Variants in COL23A1 observed in about 807,000 individuals in gnomAD.
COL23A1 encodes the protein collagen type XXIII alpha 1 chain.
Under a neutral mutation model 99.3 loss-of-function variants are expected in COL23A1, and 97 were observed. The observed-to-expected ratio is 0.98, with a 90% CI of 0.83 to 1.16. COL23A1 has a LOEUF of 1.16. COL23A1 is among the 50% of genes most tolerant of loss of function. The probability of loss-of-function intolerance (pLI) is 0.00; values close to 1 mark genes in which losing one functional copy is unlikely to be tolerated. For missense variants in COL23A1, 762 were observed against 757.4 expected (o/e 1.01, Z -0.07); for synonymous variants, 320 against 308.2 (o/e 1.04, Z -0.40).
chr5:178,524,453 G>T (rs1018509129), intron 2 of COL23A1, among the ~76,000 whole-genome samples: 2 of 152,230 alleles, frequency 1.3e-5, no homozygotes. Context: ...ACATAGCTTG[G>T]GAATGGGGTA....
intron 2 of COL23A1, among the ~76,000 whole-genome samples, chr5:178,465,956 G>A (rs1756396882): frequency 6.6e-6 from 1 of 152,160 alleles, no homozygotes; most frequent in South Asian, 2.1e-4. Context: ...ACAAAACACA[G>A]TAGAGCCTCG....
intron 5 of COL23A1, among the ~76,000 whole-genome samples, chr5:178,273,177 C>T (rs915252859): frequency 6.6e-6 from 1 of 152,238 alleles, no homozygotes; most frequent in African/African-American, 2.4e-5. Flanking sequence ...AGGGCTCTGC[C>T]TTTCTAGAAG....
intron 2 of COL23A1, among the ~76,000 whole-genome samples, chr5:178,551,756 C>A (rs1407589585): frequency 1.3e-5 from 2 of 152,180 alleles, no homozygotes; most frequent in East Asian, 3.9e-4. Context: ...CTGCCCTGAG[C>A]ACCCCCTCAG....
chr5:178,415,665 T>A lies in COL23A1; in HGVS notation c.362-108746A>T, dbSNP rs1444786825. On this transcript the variant is annotated intron_variant, in intron 2 of 28. Coordinates refer to ENST00000390654, the MANE Select transcript of COL23A1 (RefSeq NM_173465.4). This position sits in a 1 kb window ranked among gnomAD's most constrained non-coding sequence, Gnocchi z 4.6. ...GGCAAGGGGACTGTGCGGGCGGCGG[T>A]GAGGTGGGCAGTCAGCAGACTGTCC... Among the ~76,000 whole-genome samples the A allele has an allele frequency of 6.6e-6, 1 of 151,780 alleles. No individual in the cohort carries two copies. Among genetic ancestry groups the A allele is most frequent in the East Asian group, 1.9e-4 (1 of 5,164 alleles).
At chr5:178,258,262 T>TATATATACATACACAC in intron 12 of COL23A1, among the ~76,000 whole-genome samples, 4 of 104,064 alleles carry the variant, frequency 3.8e-5, no homozygotes, top group Non-Finnish European at 8.9e-5. Flanking sequence ...TATATATATA[T>TATATATACATACACAC]ACACATGCAA....
At position 178,363,360 on chromosome 5, in the gene COL23A1, A is replaced by G. The variant is rs555027498; in HGVS notation, c.362-56441T>C. ...AACACTGACAGGATAGCCTAAGTGTAGAACCTACAGTCCAGAAGAAGAAAT... is the reference window on the plus strand; with the variant it reads ...AACACTGACAGGATAGCCTAAGTGTGGAACCTACAGTCCAGAAGAAGAAAT... On this transcript the variant is annotated intron_variant, in intron 2 of 28. Transcript: ENST00000390654. Among the ~76,000 whole-genome samples, 3 of 152,326 alleles carry G rather than the reference A, an allele frequency of 2.0e-5. No homozygotes were observed. The South Asian group carries it at 6.2e-4, about 32-fold the overall frequency.
intron 4 of COL23A1, among the ~76,000 whole-genome samples, chr5:178,289,927 GT>G (rs1757365886): frequency 6.6e-6 from 1 of 152,164 alleles, no homozygotes; most frequent in African/African-American, 2.4e-5. Flanking sequence ...AAACACATGA[GT>G]TTTTGTTTTT....
At chr5:178,481,131 CA>C (rs10625763) in intron 2 of COL23A1, among the ~76,000 whole-genome samples, 26,941 of 101,822 alleles carry the variant, frequency 0.26, 2,923 homozygotes, top group East Asian at 0.58. Flanking sequence ...GACTGTCTCT[CA>C]AAAAAAAAAA....
intron 2 of COL23A1, among the ~76,000 whole-genome samples, chr5:178,343,189 C>G (rs1057128986): frequency 1.3e-5 from 2 of 152,114 alleles, no homozygotes; most frequent in Admixed American, 1.3e-4. Flanking sequence ...GCACATGGTT[C>G]AAGACATGAG....
intron 2 of COL23A1, among the ~76,000 whole-genome samples, chr5:178,543,713 G>A (rs944742231): frequency 1.5e-4 from 23 of 152,194 alleles, no homozygotes; most frequent in African/African-American, 5.5e-4. Flanking sequence ...CACCAAAACG[G>A]CCTGTCTTAG....
chr5:178,417,925 T>C (rs1225988720), intron 2 of COL23A1, among the ~76,000 whole-genome samples: 1 of 152,220 alleles, frequency 6.6e-6, no homozygotes, highest in Non-Finnish European at 1.5e-5. Flanking sequence ...GAGCCTATTA[T>C]TTATTCGGGT....
chr5:178,269,550 T>TCATC (rs57845966), intron 6 of COL23A1, among the ~76,000 whole-genome samples: 8 of 60,820 alleles, frequency 1.3e-4, no homozygotes, highest in East Asian at 6.0e-4. Flanking sequence ...CACCCATCCA[T>TCATC]CATCCATCCA....
chr5:178,333,716 T>A (rs1035798790), intron 2 of COL23A1, among the ~76,000 whole-genome samples: 1 of 152,154 alleles, frequency 6.6e-6, no homozygotes, highest in Non-Finnish European at 1.5e-5. Context: ...AGGACGTCCA[T>A]CTGCAGAACA....
intron 2 of COL23A1, among the ~76,000 whole-genome samples, chr5:178,432,137 A>G (rs1282209669): frequency 6.6e-6 from 1 of 152,230 alleles, no homozygotes; most frequent in Admixed American, 6.5e-5. Flanking sequence ...CTCTGGCTAC[A>G]ATGAATCATT....
rs1003256362 is a variant in COL23A1, at chr5:178,272,849, C to T, written c.442-2486G>A. On this transcript the variant is annotated intron_variant, in intron 5 of 28. Coordinates refer to ENST00000390654, the MANE Select transcript of COL23A1 (RefSeq NM_173465.4). ...CCAGGCCTGACCCCACACACATGGC[C>T]GCCAGTCCTTCCTGGGTCTCTTCAA... 7.9e-5 allele frequency among the ~76,000 whole-genome samples: 12 copies of T among 152,144 alleles called. No individual in the cohort carries two copies. The South Asian group carries it at 1.0e-3, about 13-fold the overall frequency.
At chr5:178,259,303 T>G (rs1470671383) in intron 12 of COL23A1, among the ~76,000 whole-genome samples, 1 of 151,972 alleles carries the variant, frequency 6.6e-6, no homozygotes, top group East Asian at 1.9e-4. Flanking sequence ...AGGATAATGC[T>G]CATTCAGTGT....
chr5:178,542,526 G>C, intron 2 of COL23A1, among the ~76,000 whole-genome samples: 1 of 152,244 alleles, frequency 6.6e-6, no homozygotes, highest in Middle Eastern at 3.4e-3. Context: ...CTGGCTGACC[G>C]GGGGAAAGAA....
chr5:178,273,488 T>C (rs1756410767), intron 5 of COL23A1, among the ~76,000 whole-genome samples: 1 of 152,238 alleles, frequency 6.6e-6, no homozygotes, highest in Middle Eastern at 3.4e-3. Flanking sequence ...CTCTGGGAGT[T>C]TTTACAAGTG....
At chr5:178,418,307 A>G (rs1009749471) in intron 2 of COL23A1, among the ~76,000 whole-genome samples, 4 of 152,220 alleles carry the variant, frequency 2.6e-5, no homozygotes, top group Non-Finnish European at 5.9e-5. Context: ...TTATCCGGCT[A>G]GCTGGGACCT....
Sources: gnomAD v4.1 joint callset for allele counts (sites outside exome capture counted in the v4.1 genomes callset) on GRCh38, gnomAD v4.1.1 for gene constraint, Gnocchi (gnomAD v3.1) non-coding constraint, MANE v1.5 for transcripts, NCBI Gene and HGNC (gene_info 2026-07-23, HGNC 2026-07-21) for gene names.